DOP1A: variants seen among roughly 807,000 people sequenced by gnomAD.
DOP1A encodes DOP1 leucine zipper like protein A.
DOP1A carries 90 observed loss-of-function variants against 267.6 expected under a neutral mutation model. The observed-to-expected ratio is 0.34, with a 90% CI of 0.28 to 0.40. The LOEUF (loss-of-function observed/expected upper bound fraction) is 0.40, where lower values mean the gene tolerates loss of function less well. DOP1A is among the 10% of genes least tolerant of loss of function. The pLI is 1.00. For synonymous variants in DOP1A, 932 were observed against 999.1 expected, an observed-to-expected ratio of 0.93 and a Z score of 1.27; for missense variants, 2,437 against 2,900.4, an observed-to-expected ratio of 0.84 and a Z score of 3.67.
chr6:83,164,795 TG>T (rs1362973826), intron 38 of DOP1A: 3 of 1,219,730 alleles, frequency 2.5e-6, no homozygotes, highest in Non-Finnish European at 2.3e-6. Context: ...CAGGTCTGAA[TG>T]TCAACAAGTA....
chr6:83,141,975 G>A lies in DOP1A; in HGVS notation c.5470G>A (p.Val1824Ile), dbSNP rs779579663. ...LLGPISMNHGVHFMAAIAFVW... is the reference protein window; with the variant it reads ...LLGPISMNHGIHFMAAIAFVW... The stretch of plus-strand genomic sequence containing the variant: ...GGGCCCCATTTCAATGAATCATGGT[G>A]TTCACTTTATGGCTGCCATTGCATT... The change falls in exon 24 of 39, where the codon GTT becomes ATT. Residue 1824 changes from valine (V) to isoleucine (I), a missense_variant. By Grantham distance (29) the Val-to-Ile change is conservative. Around this residue, in one of 9 missense-constraint regions of DOP1A, gnomAD observed 307 missense variants for 308.6 expected, o/e 0.99. Transcript: ENST00000349129. 1.2e-5 allele frequency: 19 copies of A among 1,612,396 alleles called. No individual in the cohort carries two copies. Among genetic ancestry groups the A allele is most frequent in the Non-Finnish European group, 1.5e-5 (18 of 1,179,422 alleles).
At chr6:83,162,960 C>CAT in intron 38 of DOP1A, 41 bp downstream of exon 38, 1 of 1,578,684 alleles carries the variant, frequency 6.3e-7, no homozygotes, top group Non-Finnish European at 8.6e-7. Context: ...TACATCACTA[C>CAT]ATGTTGCATT....
chr6:83,159,987 G>A, intron 37 of DOP1A, 27 bp downstream of exon 37: 2 of 1,609,572 alleles, frequency 1.2e-6, no homozygotes, highest in Non-Finnish European at 8.5e-7. Context: ...ATATTAAATG[G>A]TTATTTTTGA....
chr6:83,169,680 T>C (rs1469599440), downstream of DOP1A: 5 of 463,222 alleles, frequency 1.1e-5, no homozygotes, highest in Admixed American at 7.0e-5. Flanking sequence ...TGGATATTCA[T>C]TAGACTCTGA....
chr6:83,073,914 G>T (rs1180263241), intron 1 of DOP1A, among the ~76,000 whole-genome samples: 1 of 152,184 alleles, frequency 6.6e-6, no homozygotes, highest in Non-Finnish European at 1.5e-5. Flanking sequence ...AGATATCAAA[G>T]TGGGAGCTAC....
chr6:83,168,384 C>A lies in DOP1A; in HGVS notation c.*217C>A. Reference sequence around the variant, plus strand: ...ATACTGATTATGGTGCCTAAGAGAGCTATATATATACACATGTAAAGTCCA... The same window carrying A: ...ATACTGATTATGGTGCCTAAGAGAGATATATATATACACATGTAAAGTCCA... On this transcript the variant is annotated 3_prime_UTR_variant, in exon 39 of 39. Transcript: ENST00000349129. The A allele has an allele frequency of 2.2e-6, 3 of 1,352,524 alleles. No individual in the cohort carries two copies. Among genetic ancestry groups the A allele is most frequent in the Non-Finnish European group, 2.8e-6 (3 of 1,053,732 alleles). The allele number at this position is 1,352,524 out of a possible 1,614,324, so 83.8% of individuals were successfully genotyped here. A position where few individuals can be genotyped will look rare whatever the true frequency, so the allele number is the denominator to read the frequency against.
chr6:83,082,810 CTT>C (rs1191012120), intron 1 of DOP1A, among the ~76,000 whole-genome samples: 14 of 141,958 alleles, frequency 9.9e-5, no homozygotes, highest in Admixed American at 1.4e-4. Context: ...TTTAAACCCA[CTT>C]TTTTTTTTTT....
intron 6 of DOP1A, among the ~76,000 whole-genome samples, chr6:83,110,966 A>C (rs977006115): frequency 9.9e-5 from 15 of 152,150 alleles, no homozygotes; most frequent in Non-Finnish European, 2.1e-4. Context: ...CAATCAAGAC[A>C]CAGAATATTT....
chr6:83,084,086 T>A (rs961098034), intron 1 of DOP1A, among the ~76,000 whole-genome samples: 2 of 152,224 alleles, frequency 1.3e-5, no homozygotes, highest in Admixed American at 1.3e-4. Flanking sequence ...GTCTTAGGTT[T>A]TTATTCGTAT....
intron 4 of DOP1A, among the ~76,000 whole-genome samples, chr6:83,103,873 C>A (rs879151156): frequency 6.6e-6 from 1 of 152,164 alleles, no homozygotes; most frequent in Admixed American, 6.5e-5. Context: ...CTTGTCAACC[C>A]AGCAAGTTCC....
chr6:83,159,339 T>A (rs1278463464), intron 36 of DOP1A, among the ~76,000 whole-genome samples: 1 of 152,154 alleles, frequency 6.6e-6, no homozygotes, highest in Non-Finnish European at 1.5e-5. Flanking sequence ...AGTGGTGTGA[T>A]CCTGGCTCAT....
At chr6:83,119,987 A>G (rs1033936923) in intron 9 of DOP1A, 130 bp downstream of exon 9, 2 of 620,508 alleles carry the variant, frequency 3.2e-6, no homozygotes, top group African/African-American at 3.8e-5. Context: ...AAACTTCCCA[A>G]GAATTTTTAT....
intron 1 of DOP1A, among the ~76,000 whole-genome samples, chr6:83,087,882 T>G (rs1769575010): frequency 6.6e-6 from 1 of 151,970 alleles, no homozygotes; most frequent in African/African-American, 2.4e-5. Flanking sequence ...TTTGTTTTGG[T>G]TTTTTTTGAG....
At chr6:83,100,662 A>G (rs760699741) in intron 3 of DOP1A, 43 bp from the exon 4 acceptor site, 4 of 1,298,496 alleles carry the variant, frequency 3.1e-6, no homozygotes, top group South Asian at 2.2e-5. Flanking sequence ...AAATGAATGC[A>G]ATATTTTGTT....
chr6:83,086,979 G>C (rs535222559), intron 1 of DOP1A, among the ~76,000 whole-genome samples: 2 of 152,246 alleles, frequency 1.3e-5, no homozygotes, highest in African/African-American at 4.8e-5. Flanking sequence ...CTGTAGACAG[G>C]AAAAGAAACT....
rs1778768064 is a variant in DOP1A at position 83,135,638 on chromosome 6, G to A, written c.2890G>A (p.Asp964Asn). ...TTTTAGGTCACTGTTCATCATGTTA[G>A]ATAGCCTTAACAGTCTCGATGGTTC... ...SFDRSLFIMLDSLNSLDGSTS... is the reference protein window; with the variant it reads ...SFDRSLFIMLNSLNSLDGSTS... The change falls in exon 20 of 39, where the codon GAT (aspartate) becomes AAT (asparagine). Residue 964 changes from aspartate (D) to asparagine (N), a missense_variant. Physicochemically the swap from Asp to Asn is conservative, Grantham distance 23. Transcript: ENST00000349129. 2 of 1,613,174 alleles carry A rather than the reference G, an allele frequency of 1.2e-6. No homozygotes were observed. Among genetic ancestry groups the A allele is most frequent in the Non-Finnish European group, 1.7e-6 (2 of 1,179,422 alleles).
At chr6:83,144,879 C>A (rs1780249700) in intron 24 of DOP1A, among the ~76,000 whole-genome samples, 1 of 150,880 alleles carries the variant, frequency 6.6e-6, no homozygotes, top group African/African-American at 2.4e-5. Flanking sequence ...GGTGATGTAC[C>A]TTTATTGATG....
At chr6:83,113,843 C>G (rs1159845490) in intron 7 of DOP1A, among the ~76,000 whole-genome samples, 1 of 152,098 alleles carries the variant, frequency 6.6e-6, no homozygotes, top group African/African-American at 2.4e-5. Flanking sequence ...CTGTGATATT[C>G]TATAGTACTT....
At chr6:83,092,303 G>T (rs994066022) in intron 1 of DOP1A, among the ~76,000 whole-genome samples, 1 of 152,044 alleles carries the variant, frequency 6.6e-6, no homozygotes, top group Non-Finnish European at 1.5e-5. Context: ...CCTCACTATT[G>T]TAAGTTATGT....
Sources: allele counts gnomAD v4.1 joint callset (sites outside exome capture counted in the v4.1 genomes callset), GRCh38; gene constraint gnomAD v4.1.1; regional missense constraint gnomAD v4.1.1; transcripts MANE v1.5; gene names NCBI Gene and HGNC (gene_info 2026-07-23, HGNC 2026-07-21).